SRGAP2: variants seen among roughly 807,000 people sequenced by gnomAD.
SRGAP2 encodes SLIT-ROBO Rho GTPase activating protein 2.
In SRGAP2, 15 loss-of-function variants were observed where a neutral mutation model predicts 57.2. That is an observed-to-expected ratio of 0.26 (90% CI 0.18 to 0.40). The LOEUF is 0.40. SRGAP2 is among the 10% of genes least tolerant of loss of function. The pLI is 1.00. For synonymous variants in SRGAP2, 249 were observed against 248.0 expected, an observed-to-expected ratio of 1.00 and a Z score of -0.04; for missense variants, 520 against 669.6, an observed-to-expected ratio of 0.78 and a Z score of 2.47.
chr1:206,443,180 CA>C (rs1169991933), intron 17 of SRGAP2, among the ~76,000 whole-genome samples: 1 of 152,142 alleles, frequency 6.6e-6, no homozygotes, highest in African/African-American at 2.4e-5. Flanking sequence ...TTATGAAGCA[CA>C]AAAGATGAGT....
chr1:206,431,823 A>AC (rs1661300852), intron 14 of SRGAP2, among the ~76,000 whole-genome samples: 2 of 152,246 alleles, frequency 1.3e-5, no homozygotes, highest in African/African-American at 2.4e-5. Context: ...TCCTAAAGTG[A>AC]CATTAGGGCA....
At chr1:206,240,147 T>C (rs1487704821) in intron 2 of SRGAP2, among the ~76,000 whole-genome samples, 1 of 151,286 alleles carries the variant, frequency 6.6e-6, no homozygotes, top group Non-Finnish European at 1.5e-5. Context: ...GCGCCTGTAA[T>C]CCCAGCTACT....
intron 14 of SRGAP2, 108 bp from the exon 15 acceptor site, chr1:206,436,857 G>C: frequency 1.3e-6 from 1 of 743,586 alleles, no homozygotes; most frequent in Non-Finnish European, 2.5e-6. Flanking sequence ...GAGAGACAGC[G>C]TGCTTAAATA....
At chr1:206,429,487 A>G (rs1267665163) in intron 13 of SRGAP2, among the ~76,000 whole-genome samples, 1 of 152,226 alleles carries the variant, frequency 6.6e-6, no homozygotes, top group Non-Finnish European at 1.5e-5. Flanking sequence ...ACATCCACAC[A>G]TTGGAGTCAC....
At chr1:206,253,736 C>G (rs1300381966) in intron 2 of SRGAP2, among the ~76,000 whole-genome samples, 2 of 151,272 alleles carry the variant, frequency 1.3e-5, no homozygotes, top group African/African-American at 4.9e-5. Flanking sequence ...CGCCCGCCAC[C>G]AGGCCCGGCT....
intron 4 of SRGAP2, among the ~76,000 whole-genome samples, chr1:206,353,540 A>G (rs1553338663): frequency 6.6e-6 from 1 of 151,958 alleles, no homozygotes; most frequent in Non-Finnish European, 1.5e-5. Context: ...CCAGCTGCTC[A>G]GGAGGCTGAG....
intron 4 of SRGAP2, among the ~76,000 whole-genome samples, chr1:206,353,947 G>A (rs1553338796): frequency 6.6e-6 from 1 of 151,180 alleles, no homozygotes; most frequent in Non-Finnish European, 1.5e-5. Context: ...CTACAGGTGT[G>A]TACCATCATG....
intron 11 of SRGAP2, among the ~76,000 whole-genome samples, chr1:206,416,404 G>A (rs1374107150): frequency 6.6e-6 from 1 of 152,208 alleles, no homozygotes; most frequent in Admixed American, 6.5e-5. Context: ...ATCCTCAAAT[G>A]CAGGAGGGAT....
intron 5 of SRGAP2, among the ~76,000 whole-genome samples, chr1:206,391,616 C>CAT (rs1491349615): frequency 7.3e-4 from 28 of 38,508 alleles, no homozygotes; most frequent in African/African-American, 3.1e-3. Context: ...CACACACATG[C>CAT]ACACACACAC....
At chr1:206,214,896 C>G (rs1413473056) in intron 2 of SRGAP2, 4 of 152,214 alleles carry the variant, frequency 2.6e-5, no homozygotes, top group Non-Finnish European at 4.4e-5. Context: ...AGAAATAACC[C>G]TTCTCTCTAT....
At chr1:206,322,457 G>C (rs1387712952) in intron 3 of SRGAP2, among the ~76,000 whole-genome samples, 7 of 151,836 alleles carry the variant, frequency 4.6e-5, no homozygotes, top group Non-Finnish European at 7.4e-5. Flanking sequence ...GCAGGCGCCT[G>C]TGGTCCCAGC....
chr1:206,375,690 C>T (rs1655133543), intron 4 of SRGAP2, among the ~76,000 whole-genome samples: 1 of 152,180 alleles, frequency 6.6e-6, no homozygotes, highest in African/African-American at 2.4e-5. Context: ...TTCCTGACCC[C>T]ACCCTGAACT....
At chr1:206,258,351 C>G (rs1410984804) in intron 2 of SRGAP2, among the ~76,000 whole-genome samples, 1 of 152,006 alleles carries the variant, frequency 6.6e-6, no homozygotes, top group Non-Finnish European at 1.5e-5. Context: ...TACTATCTGG[C>G]CTTTATAGAA....
At chr1:206,304,528 A>G (rs1370025839) in intron 3 of SRGAP2, among the ~76,000 whole-genome samples, 1 of 151,926 alleles carries the variant, frequency 6.6e-6, no homozygotes, top group African/African-American at 2.4e-5. Context: ...AAACCTCATA[A>G]TATTTTAAGA....
At position 206,401,666 on chromosome 1, in the gene SRGAP2, C is replaced by G. The variant is rs782479936; in HGVS notation, c.1056+21C>G. 1.2e-5 allele frequency: 8 copies of G among 660,486 alleles called. No homozygotes were observed. The East Asian group carries it at 1.9e-4, about 16-fold the overall frequency. 40.9% of individuals were successfully genotyped at this position (660,486 alleles called of 1,614,324 possible). A position where few individuals can be genotyped will look rare whatever the true frequency, so the allele number is the denominator to read the frequency against. On this transcript the variant is annotated intron_variant, in intron 8 of 22. Coordinates refer to ENST00000573034, the MANE Select transcript of SRGAP2 (RefSeq NM_015326.5). ...ATATGGTGAGGCCCTTTCCCTATAC[C>G]CCCACCCTCAAGGGGCTTGAGTGGA...
chr1:206,441,936 T>TG (rs1553372184), intron 17 of SRGAP2, among the ~76,000 whole-genome samples: 6 of 152,250 alleles, frequency 3.9e-5, no homozygotes, highest in Admixed American at 2.0e-4. Context: ...TCCATGAATC[T>TG]ATCAGAGTAG....
At position 206,417,134 on chromosome 1, in the gene SRGAP2, T is replaced by C. The variant is rs371252590; in HGVS notation, c.1441+1161T>C. The stretch of plus-strand genomic sequence containing the variant: ...TTTTTTTTTTTTTGAGATGGAGTCT[T>C]GCTATGTCACCCAGGCTGGAGTGGA... On this transcript the variant is annotated intron_variant, in intron 11 of 22. Coordinates refer to ENST00000573034, the MANE Select transcript of SRGAP2 (RefSeq NM_015326.5). Among the ~76,000 whole-genome samples the C allele has an allele frequency of 3.3e-5, 5 of 150,546 alleles. No homozygotes were observed. In the South Asian group the frequency reaches 1.1e-3, roughly 32 times the overall value.
chr1:206,440,307 A>G (rs1662160273), intron 17 of SRGAP2, among the ~76,000 whole-genome samples: 1 of 152,220 alleles, frequency 6.6e-6, no homozygotes, highest in South Asian at 2.1e-4. Context: ...TAACAGATAT[A>G]TCAGGTAGAA....
chr1:206,459,735 T>G (rs1664110789), intron 22 of SRGAP2, among the ~76,000 whole-genome samples: 1 of 152,236 alleles, frequency 6.6e-6, no homozygotes, highest in Non-Finnish European at 1.5e-5. Context: ...GAGATTCTCC[T>G]TACCCCATCT....
Sources: allele counts gnomAD v4.1 joint callset (sites outside exome capture counted in the v4.1 genomes callset), GRCh38; gene constraint gnomAD v4.1.1; transcripts MANE v1.5; gene names NCBI Gene and HGNC (gene_info 2026-07-23, HGNC 2026-07-21).